Variants in CPNE4 observed in about 807,000 individuals in gnomAD.
CPNE4 encodes the protein copine-4.
In CPNE4, 25 loss-of-function variants were observed where a neutral mutation model predicts 67.9. The observed-to-expected ratio is 0.37, with a 90% CI of 0.27 to 0.51. The LOEUF (loss-of-function observed/expected upper bound fraction) is 0.51, where lower values mean the gene tolerates loss of function less well. CPNE4 is among the 20% of genes least tolerant of loss of function. The pLI, the probability that CPNE4 is intolerant of heterozygous loss-of-function variation, is 0.93. For synonymous variants in CPNE4, 242 were observed against 244.9 expected, an observed-to-expected ratio of 0.99 and a Z score of 0.11; for missense variants, 464 against 690.8, an observed-to-expected ratio of 0.67 and a Z score of 3.68.
At chr3:131,650,651 A>G (rs1328196367) in intron 7 of CPNE4, among the ~76,000 whole-genome samples, 1 of 142,884 alleles carries the variant, frequency 7.0e-6, no homozygotes, top group African/African-American at 2.7e-5. Context: ...AGGCTGAGGC[A>G]GGAGAATGGC....
At chr3:131,586,463 T>C (rs920435419) in intron 8 of CPNE4, among the ~76,000 whole-genome samples, 2 of 152,190 alleles carry the variant, frequency 1.3e-5, no homozygotes, top group Non-Finnish European at 2.9e-5. Flanking sequence ...GTATAGAGCA[T>C]ACACCTCAGA....
chr3:131,838,500 A>G (rs2085643415), intron 2 of CPNE4, among the ~76,000 whole-genome samples: 1 of 151,886 alleles, frequency 6.6e-6, no homozygotes, highest in Non-Finnish European at 1.5e-5. Flanking sequence ...GTGATACAAT[A>G]TATTTAAAAA....
intron 2 of CPNE4, among the ~76,000 whole-genome samples, chr3:131,882,169 ATC>A (rs2087697771): frequency 6.6e-6 from 1 of 151,716 alleles, no homozygotes; most frequent in Non-Finnish European, 1.5e-5. Context: ...CACAACCTAC[ATC>A]TCTCTCACAA....
intron 2 of CPNE4, among the ~76,000 whole-genome samples, chr3:131,728,445 T>C (rs1304554567): frequency 6.6e-6 from 1 of 152,182 alleles, no homozygotes; most frequent in African/African-American, 2.4e-5. Context: ...ATTTGAAGCA[T>C]TTTTTCATAA....
At chr3:131,952,484 G>T (rs180983222) in intron 1 of CPNE4, among the ~76,000 whole-genome samples, 1 of 83,388 alleles carries the variant, frequency 1.2e-5, no homozygotes, top group Non-Finnish European at 3.3e-5. Flanking sequence ...GGGGGTCAGC[G>T]CCCCGCCAGG....
At chr3:131,606,862 T>C (rs1350914732) in intron 7 of CPNE4, among the ~76,000 whole-genome samples, 1 of 151,992 alleles carries the variant, frequency 6.6e-6, no homozygotes. Flanking sequence ...TGTTTAGTTA[T>C]TTGTGACGTG....
intron 2 of CPNE4, among the ~76,000 whole-genome samples, chr3:131,799,382 C>T (rs571914005): frequency 1.4e-4 from 22 of 152,218 alleles, no homozygotes; most frequent in South Asian, 8.3e-4. Context: ...TCCTCCTTCA[C>T]GGGCCTGCAA....
At chr3:131,627,193 C>CA (rs57977015) in intron 7 of CPNE4, among the ~76,000 whole-genome samples, 902 of 67,620 alleles carry the variant, frequency 0.013, 25 homozygotes, top group African/African-American at 0.027. Context: ...GACTCCATCT[C>CA]AAAAAAAAAA....
chr3:131,983,102 T>C (rs2072950253), intron 1 of CPNE4, among the ~76,000 whole-genome samples: 1 of 152,168 alleles, frequency 6.6e-6, no homozygotes, highest in Non-Finnish European at 1.5e-5. Flanking sequence ...CTGAATGATA[T>C]TTTTATAAGT....
intron 3 of CPNE4, among the ~76,000 whole-genome samples, chr3:131,722,798 C>G (rs1406261199): frequency 6.6e-6 from 1 of 152,172 alleles, no homozygotes; most frequent in Non-Finnish European, 1.5e-5. Context: ...AAAAGTATTA[C>G]AGAAGCAAAA....
At chr3:131,887,143 G>C (rs1354471533) in intron 2 of CPNE4, among the ~76,000 whole-genome samples, 1 of 152,180 alleles carries the variant, frequency 6.6e-6, no homozygotes, top group Non-Finnish European at 1.5e-5. Context: ...CCCAGTGGGA[G>C]ATAATTAAAT....
chr3:131,648,623 G>T (rs182352608), intron 7 of CPNE4, among the ~76,000 whole-genome samples: 1 of 152,258 alleles, frequency 6.6e-6, no homozygotes, highest in Non-Finnish European at 1.5e-5. Context: ...AATTGTTAAA[G>T]AATAAATAGT....
At chr3:131,740,514 T>C (rs1039457493) in intron 2 of CPNE4, among the ~76,000 whole-genome samples, 1 of 152,126 alleles carries the variant, frequency 6.6e-6, no homozygotes, top group Non-Finnish European at 1.5e-5. Flanking sequence ...CATTTCCATA[T>C]CCAACCCACC....
chr3:131,682,072 G>A (rs930659580), intron 6 of CPNE4, among the ~76,000 whole-genome samples: 2 of 151,944 alleles, frequency 1.3e-5, no homozygotes, highest in Non-Finnish European at 2.9e-5. Context: ...CCTCAAAATA[G>A]CTATTTTGAA....
At chr3:131,772,281 A>G (rs2083186991) in intron 2 of CPNE4, among the ~76,000 whole-genome samples, 1 of 152,176 alleles carries the variant, frequency 6.6e-6, no homozygotes. Flanking sequence ...GTTGAAAAAA[A>G]TCCATGTTAA....
At chr3:131,823,891 T>G (rs1322623166) in intron 2 of CPNE4, among the ~76,000 whole-genome samples, 2 of 152,184 alleles carry the variant, frequency 1.3e-5, no homozygotes, top group African/African-American at 2.4e-5. Flanking sequence ...ATTGTAAGAT[T>G]TGGGTACAAC....
intron 2 of CPNE4, among the ~76,000 whole-genome samples, chr3:131,771,413 C>A (rs1176838214): frequency 6.6e-6 from 1 of 152,032 alleles, no homozygotes; most frequent in Non-Finnish European, 1.5e-5. Context: ...TCAGATCCCT[C>A]ATGGATAGAT....
intron 2 of CPNE4, among the ~76,000 whole-genome samples, chr3:131,727,195 C>T (rs1391337111): frequency 6.6e-6 from 1 of 152,176 alleles, no homozygotes; most frequent in Non-Finnish European, 1.5e-5. Flanking sequence ...GGACTACTTT[C>T]CTCAATTCAT....
intron 2 of CPNE4, among the ~76,000 whole-genome samples, chr3:131,781,106 C>A (rs1438137190): frequency 3.3e-5 from 5 of 152,026 alleles, no homozygotes; most frequent in African/African-American, 1.2e-4. Context: ...AAAAAAATTC[C>A]CGCAAATCAA....
Sources: gnomAD v4.1 joint callset for allele counts (sites outside exome capture counted in the v4.1 genomes callset) on GRCh38, gnomAD v4.1.1 for gene constraint, MANE v1.5 for transcripts, NCBI Gene and HGNC (gene_info 2026-07-23, HGNC 2026-07-21) for gene names.